Variants in CUBN observed in about 807,000 individuals in gnomAD.
CUBN encodes 460 kDa receptor.
CUBN carries 282 observed loss-of-function variants against 405.3 expected under a neutral mutation model. The observed-to-expected ratio is 0.70, with a 90% confidence interval of 0.63 to 0.77. The LOEUF is 0.77. Ranked by LOEUF, CUBN falls within the 30% of genes least tolerant of loss-of-function variation. The pLI is 0.00. For missense variants in CUBN, 4,514 were observed against 4,475.2 expected (o/e 1.01, Z -0.25); for synonymous variants, 1,684 against 1,617.0 (o/e 1.04, Z -0.99).
intron 51 of CUBN, among the ~76,000 whole-genome samples, chr10:16,902,283 A>G (rs1017273392): frequency 5.0e-5 from 7 of 140,154 alleles, no homozygotes; most frequent in African/African-American, 1.6e-4. Context: ...GTATATATAT[A>G]GTACATATAT....
intron 59 of CUBN, among the ~76,000 whole-genome samples, chr10:16,859,313 AAGATATAAAT>A (rs1195507577): frequency 6.6e-6 from 1 of 152,210 alleles, no homozygotes; most frequent in Admixed American, 6.5e-5. Context: ...AAATGGGTAA[AAGATATAAAT>A]AGATATTTCA....
At chr10:16,935,551 T>C (rs1336977349) in intron 39 of CUBN, among the ~76,000 whole-genome samples, 1 of 152,148 alleles carries the variant, frequency 6.6e-6, no homozygotes, top group Non-Finnish European at 1.5e-5. Flanking sequence ...TAAATATGCG[T>C]TGATTTAAAA....
In CUBN at chr10:17,045,971, C is replaced by G. The variant is rs767506092; in HGVS notation, c.3453G>C (p.Arg1151Ser). Reference protein sequence around the residue: ...LKFKSDQIDTRSGFSAYWDGS... With the variant: ...LKFKSDQIDTSSGFSAYWDGS... ...CATCCCAGTAAGCTGAGAATCCAGA[C>G]CTTGTGTCTATTTGGTCACTCTTAA... is the stretch of plus-strand genomic sequence containing the variant. The change falls in exon 24 of 67, where the codon AGG (arginine) becomes AGC (serine). Residue 1151 changes from arginine (R) to serine (S), a missense_variant. By Grantham distance (110) the Arg-to-Ser change is moderately radical. Coordinates refer to ENST00000377833, the MANE Select transcript of CUBN (RefSeq NM_001081.4). The G allele has an allele frequency of 3.5e-5, 57 of 1,613,946 alleles. No homozygotes were observed. The highest frequency in any genetic ancestry group is 4.7e-5 in the Non-Finnish European group (56 of 1,179,944).
At chr10:16,888,752 A>ATAT (rs1376239376) in intron 55 of CUBN, among the ~76,000 whole-genome samples, 186 bp from the exon 56 acceptor site, 2 of 152,176 alleles carry the variant, frequency 1.3e-5, no homozygotes. Flanking sequence ...CTTAATAAGA[A>ATAT]TATTATACAT....
intron 31 of CUBN, among the ~76,000 whole-genome samples, chr10:16,975,872 G>A (rs1833077861): frequency 6.6e-6 from 1 of 151,612 alleles, no homozygotes; most frequent in Non-Finnish European, 1.5e-5. Flanking sequence ...TTCATGATCT[G>A]CCTGCCTAGG....
At position 16,999,041 on chromosome 10, in the gene CUBN, T is replaced by C. The variant is rs528871064; in HGVS notation, c.4169-8526A>G. On this transcript the variant is annotated intron_variant, in intron 28 of 66. Transcript: ENST00000377833. ...GAGCATCGGGTTTCAATGGTAGAGA[T>C]ACAATAAAAAACAGTGAAAGAATAA... Among the ~76,000 whole-genome samples the C allele has an allele frequency of 9.2e-5, 14 of 152,324 alleles. No individual in the cohort carries two copies. In the East Asian group the frequency reaches 2.1e-3, roughly 23 times the overall value.
intron 29 of CUBN, among the ~76,000 whole-genome samples, chr10:16,985,457 A>G (rs1003977043): frequency 1.3e-5 from 2 of 152,100 alleles, no homozygotes; most frequent in Non-Finnish European, 2.9e-5. Flanking sequence ...GCCCAATAAA[A>G]TCCCCACATT....
At chr10:17,028,960 T>G (rs1834732570) in intron 27 of CUBN, among the ~76,000 whole-genome samples, 1 of 152,216 alleles carries the variant, frequency 6.6e-6, no homozygotes, top group Non-Finnish European at 1.5e-5. Flanking sequence ...GCCTGTCTGA[T>G]AGTGGAAGAG....
chr10:17,018,138 C>T (rs1834388958), intron 28 of CUBN, among the ~76,000 whole-genome samples: 1 of 152,164 alleles, frequency 6.6e-6, no homozygotes, highest in Non-Finnish European at 1.5e-5. Context: ...GAAAGCCTGA[C>T]ACCCGTGTCT....
At chr10:16,844,437 G>A (rs796735001) in intron 60 of CUBN, among the ~76,000 whole-genome samples, 13 of 152,192 alleles carry the variant, frequency 8.5e-5, no homozygotes, top group African/African-American at 2.2e-4. Flanking sequence ...GAGAAATGAC[G>A]AAGTCCAACA....
chr10:17,055,701 C>G (rs918228199), intron 22 of CUBN, among the ~76,000 whole-genome samples: 3 of 151,992 alleles, frequency 2.0e-5, no homozygotes, highest in African/African-American at 4.8e-5. Context: ...ACACGAAACA[C>G]TTGATAACAA....
chr10:17,036,719 A>C (rs1292513367), intron 27 of CUBN, among the ~76,000 whole-genome samples: 1 of 152,230 alleles, frequency 6.6e-6, no homozygotes, highest in Middle Eastern at 3.2e-3. Flanking sequence ...AGACACTAAA[A>C]ATAATTTGTC....
chr10:17,105,717 T>C (rs974563389), intron 10 of CUBN, 142 bp from the exon 11 acceptor site: 2 of 663,314 alleles, frequency 3.0e-6, no homozygotes, highest in Admixed American at 4.8e-5. Flanking sequence ...AAACAAGGTA[T>C]GAGGAGAAAA....
intron 62 of CUBN, among the ~76,000 whole-genome samples, chr10:16,838,325 A>T (rs1839235581): frequency 6.6e-6 from 1 of 152,174 alleles, no homozygotes; most frequent in Admixed American, 6.5e-5. Flanking sequence ...ATACTCTACT[A>T]GTCCAGCATA....
Position 16,982,569 on chromosome 10 carries a change from G to A in CUBN, c.4610C>T (p.Ser1537Phe). ...ATTTCTGTCAACCCGAATGACCCAA[G>A]AACAGTCTGTGTTGCTCCTATAAGG... ...PSPYRSNTDCSWVIRVDRNHR... is the reference protein window; with the variant it reads ...PSPYRSNTDCFWVIRVDRNHR... Residue 1537 changes from serine to phenylalanine, a missense_variant, in exon 31 of 67, where the codon TCT becomes TTT. Physicochemically the swap from Ser to Phe is radical, Grantham distance 155 (BLOSUM62 -2). Around this residue, in one of 5 missense-constraint regions of CUBN, gnomAD observed 1,613 missense variants for 1,542.8 expected, o/e 1.05. Coordinates refer to ENST00000377833, the MANE Select transcript of CUBN (RefSeq NM_001081.4). 2.5e-6 allele frequency: 4 copies of A among 1,613,802 alleles called. No individual in the cohort carries two copies. Among genetic ancestry groups the A allele is most frequent in the South Asian group, 2.2e-5 (2 of 91,070 alleles).
chr10:17,051,232 G>A (rs1226927773), intron 22 of CUBN, among the ~76,000 whole-genome samples: 1 of 151,982 alleles, frequency 6.6e-6, no homozygotes, highest in East Asian at 1.9e-4. Context: ...GTGGTGGTGG[G>A]CGCCTGTAGT....
rs960534284 is a variant in CUBN at position 16,833,560 on chromosome 10, C to T, written c.10362+1454G>A. Among the ~76,000 whole-genome samples the T allele has an allele frequency of 3.9e-5, 6 of 152,276 alleles. 1 individual carries two copies. Among genetic ancestry groups the T allele is most frequent in the Middle Eastern group, 6.8e-3 (2 of 294 alleles). The stretch of plus-strand genomic sequence containing the variant: ...TATGCAAAGACCATATGCCAGAACA[C>T]CCTTCCTGGCCAGGCTGGGCAGAAG... On this transcript the variant is annotated intron_variant, in intron 64 of 66. Coordinates refer to ENST00000377833, the MANE Select transcript of CUBN (RefSeq NM_001081.4).
At position 17,021,976 on chromosome 10, in the gene CUBN, A is replaced by C. The variant is rs570633058; in HGVS notation, c.4018-1993T>G. On this transcript the variant is annotated intron_variant, in intron 27 of 66. Transcript: ENST00000377833. ...GCAGGTTCCCCATGCATCTCCAATG[A>C]ATGAACGCAGTGATTTCCCCCGCCA... Among the ~76,000 whole-genome samples, 94 of 152,236 alleles carry C rather than the reference A, an allele frequency of 6.2e-4. 1 individual carries two copies. Among genetic ancestry groups the C allele is most frequent in the Admixed American group, 2.0e-4 (3 of 15,298 alleles).
Position 17,073,528 on chromosome 10 carries a change from C to T in CUBN, c.2302-1557G>A, listed in dbSNP as rs183814704. ...ATGGCGTGATCTCAGTTCACCGCAA[C>T]CTCTGCCTCCTGGGTTCAAGTGATT... On this transcript the variant is annotated intron_variant, in intron 17 of 66. Transcript: ENST00000377833. Among the ~76,000 whole-genome samples, 405 of 147,806 alleles carry T rather than the reference C, an allele frequency of 2.7e-3. 1 individual carries two copies. The highest frequency in any genetic ancestry group is 9.2e-3 in the African/African-American group (376 of 40,726).
Sources: gnomAD v4.1 joint callset for allele counts (sites outside exome capture counted in the v4.1 genomes callset) on GRCh38, gnomAD v4.1.1 for gene constraint, gnomAD v4.1.1 regional missense constraint, MANE v1.5 for transcripts, NCBI Gene and HGNC (gene_info 2026-07-23, HGNC 2026-07-21) for gene names.